The following BCL11A variants were observed in gnomAD, a reference collection of about 807,000 sequenced individuals.
BCL11A encodes BCL11 transcription factor A, also known as B cell CLL/lymphoma 11A.
A neutral mutation model predicts 55.9 loss-of-function variants in BCL11A; 2 were observed. The observed-to-expected ratio is 0.04, with a 90% CI of 0.01 to 0.11. The LOEUF (loss-of-function observed/expected upper bound fraction) is 0.11, where lower values mean the gene tolerates loss of function less well. Ranked by LOEUF, BCL11A falls within the 10% of genes least tolerant of loss-of-function variation. The pLI is 1.00. For synonymous variants in BCL11A, 465 were observed against 473.4 expected (o/e 0.98, Z 0.23); for missense variants, 817 against 1,137.1 (o/e 0.72, Z 4.05).
In BCL11A at chr2:60,461,736, C is replaced by T. The variant is rs1676305249; in HGVS notation, c.1176G>A (p.Leu392=). Residue 392 remains leucine (L), a synonymous_variant, in exon 4 of 4, where the codon CTG becomes CTA. Transcript: ENST00000642384. ...CGKTFKFQSN[L]VVHRRSHTGE... ...CCGTGTGGCTGCGCCGGTGCACCAC[C>T]AGGTTGCTCTGAAATTTGAACGTCT... 1 of 1,613,688 alleles carries T rather than the reference C, an allele frequency of 6.2e-7. No homozygotes were observed. The highest frequency in any genetic ancestry group is 1.7e-5 in the Admixed American group (1 of 59,974).
At chr2:60,503,337 G>C (rs1233176855) in intron 2 of BCL11A, among the ~76,000 whole-genome samples, 3 of 152,188 alleles carry the variant, frequency 2.0e-5, no homozygotes, top group South Asian at 2.1e-4. Flanking sequence ...TCCAGGCATT[G>C]TGACTTTTTA....
chr2:60,462,086 G>A lies in BCL11A; in HGVS notation c.826C>T (p.Pro276Ser). The change falls in exon 4 of 4, where the codon CCC (proline) becomes TCC (serine). Residue 276 changes from proline (P) to serine (S), a missense_variant. This residue lies in a region of BCL11A where 363 missense variants were observed against 486.6 expected (regional missense o/e 0.75). Transcript: ENST00000642384. The stretch of plus-strand genomic sequence containing the variant: ...GCCCCCAGGCGCTCTATGCGGTGGG[G>A]GTCCAAGTGATGTCTCGGTGGTGGA... ...FSPPPRHHLD[P>S]HRIERLGAEE... 6.4e-7 allele frequency: 1 copy of A among 1,567,548 alleles called. No individual in the cohort carries two copies. Among genetic ancestry groups the A allele is most frequent in the Non-Finnish European group, 8.6e-7 (1 of 1,158,216 alleles).
chr2:60,485,219 C>T (rs1253378200), intron 2 of BCL11A, among the ~76,000 whole-genome samples: 2 of 152,166 alleles, frequency 1.3e-5, no homozygotes, highest in African/African-American at 4.8e-5. Flanking sequence ...GAAGTCTGGC[C>T]TTGGAGTTAC....
intron 2 of BCL11A, among the ~76,000 whole-genome samples, chr2:60,485,118 AC>A (rs1263981963): frequency 6.6e-6 from 1 of 152,234 alleles, no homozygotes; most frequent in Non-Finnish European, 1.5e-5. Context: ...TCGCAAGTTG[AC>A]CTTTTCACCA....
intron 2 of BCL11A, among the ~76,000 whole-genome samples, chr2:60,512,340 C>G (rs185143671): frequency 6.6e-6 from 1 of 152,190 alleles, no homozygotes; most frequent in African/African-American, 2.4e-5. Flanking sequence ...AACTGGGTGG[C>G]CTGGGCAAGT....
chr2:60,452,693 G>C, downstream of BCL11A: 1 of 1,559,374 alleles, frequency 6.4e-7, no homozygotes. Flanking sequence ...GACAGAGGAG[G>C]GGGAAAAAAA....
intron 2 of BCL11A, among the ~76,000 whole-genome samples, chr2:60,528,869 C>T (rs908950133): frequency 8.5e-5 from 13 of 152,184 alleles, no homozygotes; most frequent in African/African-American, 3.1e-4. Context: ...TCTGTGCTTT[C>T]CCTCATTTAC....
chr2:60,517,967 G>T (rs958943773), intron 2 of BCL11A, among the ~76,000 whole-genome samples: 1 of 146,404 alleles, frequency 6.8e-6, no homozygotes, highest in Non-Finnish European at 1.5e-5. Context: ...AATTTTAGGG[G>T]AGGAGAGAAA....
intron 3 of BCL11A, among the ~76,000 whole-genome samples, chr2:60,466,243 G>A (rs188720129): frequency 4.6e-5 from 7 of 151,918 alleles, no homozygotes; most frequent in East Asian, 3.9e-4. Flanking sequence ...GCTGAAGACC[G>A]AGAACTATGT....
At chr2:60,541,674 A>G (rs927181927) in intron 2 of BCL11A, 4 of 429,854 alleles carry the variant, frequency 9.3e-6, no homozygotes, top group Non-Finnish European at 1.7e-5. Flanking sequence ...TTATTAGAAA[A>G]CAATATTCTC....
At position 60,553,198 on chromosome 2, in the gene BCL11A, T is replaced by C. The variant is rs768404913; in HGVS notation, c.55+18A>G. ...CGTGATTATTAATAATTATTATTAC[T>C]ATTATTGGGTTACTTACGCGAGAAT... On this transcript the variant is annotated intron_variant, in intron 1 of 3. Coordinates refer to ENST00000642384, the MANE Select transcript of BCL11A (RefSeq NM_022893.4). The C allele has an allele frequency of 1.3e-6, 2 of 1,595,918 alleles. No individual in the cohort carries two copies. Among genetic ancestry groups the C allele is most frequent in the Non-Finnish European group, 1.7e-6 (2 of 1,172,032 alleles).
rs745625531 is a variant in BCL11A, at chr2:60,461,427, T to G, written c.1485A>C (p.Glu495Asp). 3.9e-5 allele frequency: 63 copies of G among 1,603,990 alleles called. No individual in the cohort carries two copies. The highest frequency in any genetic ancestry group is 1.6e-4 in the Middle Eastern group (1 of 6,076). The change falls in exon 4 of 4, where the codon GAA becomes GAC. Residue 495 changes from glutamate (E) to aspartate (D), a missense_variant. By Grantham distance (45) the Glu-to-Asp change is conservative. This residue lies in a region of BCL11A where 379 missense variants were observed against 425.3 expected (regional missense o/e 0.89). Transcript: ENST00000642384. ...CCTCCTCCTCCTCTTCCTCCTCTTC[T>G]TCCTCTTCCTCGTCGTCCTCCTCTT... Reference protein sequence around the residue: ...EEEEEDDEEEEEEEEEEEEEL... With the variant: ...EEEEEDDEEEDEEEEEEEEEL...
At position 60,457,953 on chromosome 2, in the gene BCL11A, T is replaced by A; in HGVS notation, c.*2451A>T. The A allele has an allele frequency of 5.4e-6, 1 of 185,622 alleles. No homozygotes were observed. The highest frequency in any genetic ancestry group is 9.5e-6 in the Non-Finnish European group (1 of 104,758). The allele number at this position is 185,622 out of a possible 1,614,324, so 11.5% of individuals were successfully genotyped here. A position where few individuals can be genotyped will look rare whatever the true frequency, so the allele number is the denominator to read the frequency against. ...AATGTCACACTTTTTTGTTTCTCTC[T>A]TTTTTTTTTTTTTGAAGCATACAAA... On this transcript the variant is annotated 3_prime_UTR_variant, in exon 4 of 4. Transcript: ENST00000642384.
chr2:60,517,378 C>T (rs1206381030), intron 2 of BCL11A, among the ~76,000 whole-genome samples: 2 of 152,094 alleles, frequency 1.3e-5, no homozygotes, highest in Admixed American at 6.6e-5. Flanking sequence ...AGACCAGCCC[C>T]GAAAAAGGGC....
intron 2 of BCL11A, among the ~76,000 whole-genome samples, chr2:60,499,424 CA>C (rs1679151953): frequency 6.6e-6 from 1 of 152,108 alleles, no homozygotes; most frequent in African/African-American, 2.4e-5. Context: ...TATTTCTTCC[CA>C]GGGGCAAAAA....
chr2:60,467,110 A>AGTGGTG (rs1203073598), intron 3 of BCL11A, among the ~76,000 whole-genome samples: 2 of 72,468 alleles, frequency 2.8e-5, no homozygotes, highest in South Asian at 5.5e-4. Flanking sequence ...TGGTGGTGGT[A>AGTGGTG]GTGGTGGTGG....
At chr2:60,484,963 T>TA (rs542222101) in intron 2 of BCL11A, among the ~76,000 whole-genome samples, 2,626 of 109,966 alleles carry the variant, frequency 0.024, 73 homozygotes, top group South Asian at 0.2. Context: ...GTTTAGGACT[T>TA]AAAAAAAAAA....
intron 3 of BCL11A, among the ~76,000 whole-genome samples, chr2:60,468,029 G>A (rs138322306): frequency 0.39 from 3,271 of 8,394 alleles, 293 homozygotes; most frequent in East Asian, 0.52. Context: ...GGTGGTAGTG[G>A]TGGTGATGGT....
intron 2 of BCL11A, among the ~76,000 whole-genome samples, chr2:60,489,297 T>C (rs1678476178): frequency 1.3e-5 from 2 of 152,242 alleles, no homozygotes; most frequent in Admixed American, 6.5e-5. Flanking sequence ...ATTTCTTTTA[T>C]GTCATTTTGC....
Sources: gnomAD v4.1 joint callset for allele counts (sites outside exome capture counted in the v4.1 genomes callset) on GRCh38, gnomAD v4.1.1 for gene constraint, gnomAD v4.1.1 regional missense constraint, MANE v1.5 for transcripts, NCBI Gene and HGNC (gene_info 2026-07-23, HGNC 2026-07-21) for gene names.